PSPC1: variants seen among roughly 807,000 people sequenced by gnomAD.
PSPC1 encodes the protein paraspeckle protein 1.
A neutral mutation model predicts 51.6 loss-of-function variants in PSPC1; 14 were observed. That is an observed-to-expected ratio of 0.27 (90% CI 0.18 to 0.42). The LOEUF (loss-of-function observed/expected upper bound fraction) is 0.42. Among genes scored for constraint, PSPC1 ranks in the 10% least tolerant of loss-of-function variants. The pLI is 1.00. For missense variants in PSPC1, 406 were observed against 701.1 expected, an observed-to-expected ratio of 0.58 and a Z score of 4.75; for synonymous variants, 193 against 231.9, an observed-to-expected ratio of 0.83 and a Z score of 1.53.
chr13:19,719,812 G>T (rs1226061430), intron 6 of PSPC1, among the ~76,000 whole-genome samples: 1 of 149,742 alleles, frequency 6.7e-6, no homozygotes, highest in Non-Finnish European at 1.5e-5. Flanking sequence ...AAGGAAATAA[G>T]TATTTTACAT....
intron 5 of PSPC1, among the ~76,000 whole-genome samples, chr13:19,732,489 C>A (rs1435093013): frequency 2.6e-5 from 4 of 152,058 alleles, no homozygotes; most frequent in Admixed American, 6.6e-5. Flanking sequence ...GGGGCAGCAC[C>A]CCATAATCAA....
chr13:19,729,674 C>T (rs1209277914), intron 6 of PSPC1, among the ~76,000 whole-genome samples: 2 of 150,944 alleles, frequency 1.3e-5, no homozygotes, highest in Non-Finnish European at 2.9e-5. Context: ...CAAATCTGGG[C>T]TTTAATTAGT....
At chr13:19,706,142 G>T (rs556760192) in intron 7 of PSPC1, among the ~76,000 whole-genome samples, 1 of 152,174 alleles carries the variant, frequency 6.6e-6, no homozygotes, top group South Asian at 2.1e-4. Context: ...TTAAACCAAA[G>T]AATCCCTAAC....
At chr13:19,753,137 G>A (rs2138144911) in intron 3 of PSPC1, among the ~76,000 whole-genome samples, 1 of 152,024 alleles carries the variant, frequency 6.6e-6, no homozygotes, top group Middle Eastern at 3.4e-3. Context: ...ACAAAAATCA[G>A]CCAGGCGTGG....
At chr13:19,765,344 A>AATAATAATC (rs1555248074) in intron 2 of PSPC1, among the ~76,000 whole-genome samples, 1 of 141,370 alleles carries the variant, frequency 7.1e-6, no homozygotes, top group African/African-American at 2.7e-5. Flanking sequence ...TAATAATAAT[A>AATAATAATC]ATTATTATTA....
chr13:19,725,724 G>C (rs61950562), intron 6 of PSPC1, among the ~76,000 whole-genome samples: 9 of 152,296 alleles, frequency 5.9e-5, no homozygotes, highest in Non-Finnish European at 1.0e-4. Context: ...AAAATTATTA[G>C]AACTATGCAC....
intron 6 of PSPC1, among the ~76,000 whole-genome samples, chr13:19,684,759 G>A (rs757496245): frequency 6.6e-6 from 1 of 152,162 alleles, no homozygotes; most frequent in Non-Finnish European, 1.5e-5. Flanking sequence ...TCAGTGATGA[G>A]GTCTGATGAC....
intron 6 of PSPC1, among the ~76,000 whole-genome samples, chr13:19,720,721 T>C (rs1170643505): frequency 6.6e-6 from 1 of 152,136 alleles, no homozygotes; most frequent in Non-Finnish European, 1.5e-5. Flanking sequence ...ATAAATCAAA[T>C]GAAGAAGTTA....
chr13:19,700,459 A>G (rs550372041), downstream of PSPC1, among the ~76,000 whole-genome samples: 26 of 151,962 alleles, frequency 1.7e-4, no homozygotes, highest in Non-Finnish European at 3.5e-4. Flanking sequence ...ACAGAAAAAT[A>G]AAAAAAACCT....
intron 6 of PSPC1, among the ~76,000 whole-genome samples, chr13:19,712,088 G>A (rs1010838972): frequency 3.3e-5 from 5 of 152,102 alleles, no homozygotes; most frequent in African/African-American, 1.2e-4. Context: ...ATCTAGATAA[G>A]TATCTGTAAC....
At chr13:19,696,557 T>A (rs1879285613) in intron 6 of PSPC1, among the ~76,000 whole-genome samples, 1 of 151,838 alleles carries the variant, frequency 6.6e-6, no homozygotes, top group South Asian at 2.1e-4. Context: ...AAAGAAAATA[T>A]TTTAATATAT....
chr13:19,735,018 G>A (rs543162129), intron 5 of PSPC1, among the ~76,000 whole-genome samples: 1 of 150,732 alleles, frequency 6.6e-6, no homozygotes, highest in Non-Finnish European at 1.5e-5. Flanking sequence ...AACAAAGAAA[G>A]GAAGGAAGTG....
At chr13:19,736,484 C>A (rs758486932) in intron 5 of PSPC1, among the ~76,000 whole-genome samples, 1 of 151,936 alleles carries the variant, frequency 6.6e-6, no homozygotes, top group Non-Finnish European at 1.5e-5. Flanking sequence ...CAGATCGAGA[C>A]CATCCTGGCT....
At chr13:19,721,627 T>C (rs886479728) in intron 6 of PSPC1, among the ~76,000 whole-genome samples, 1 of 152,210 alleles carries the variant, frequency 6.6e-6, no homozygotes, top group Non-Finnish European at 1.5e-5. Context: ...CTGTTTCTTT[T>C]AACATTACTC....
At chr13:19,702,064 A>G (rs576781657), downstream of PSPC1, among the ~76,000 whole-genome samples, 27 of 151,910 alleles carry the variant, frequency 1.8e-4, no homozygotes, top group African/African-American at 6.3e-4. Flanking sequence ...TCAAGTAATT[A>G]TCTGCTTTTT....
intron 7 of PSPC1, among the ~76,000 whole-genome samples, chr13:19,677,320 G>C (rs1876775344): frequency 6.6e-6 from 1 of 151,744 alleles, no homozygotes; most frequent in South Asian, 2.1e-4. Flanking sequence ...AAATCAACAG[G>C]AAATTTTTTT....
intron 4 of PSPC1, among the ~76,000 whole-genome samples, chr13:19,743,607 C>G (rs1233001598): frequency 6.6e-6 from 1 of 152,154 alleles, no homozygotes. Context: ...CCTAGTTGAT[C>G]AGACTCAATT....
chr13:19,672,797 G>C (rs1876210686), downstream of PSPC1: 1 of 253,144 alleles, frequency 4.0e-6, no homozygotes, highest in Non-Finnish European at 7.9e-6. Flanking sequence ...ACCTAAAAGA[G>C]AGTATTAAAT....
chr13:19,673,487 G>A (rs1876275802), downstream of PSPC1: 1 of 185,562 alleles, frequency 5.4e-6, no homozygotes, highest in South Asian at 1.1e-4. Context: ...TTAAAAGACA[G>A]TAGATATTTG....
Sources: allele counts gnomAD v4.1 joint callset (sites outside exome capture counted in the v4.1 genomes callset), GRCh38; gene constraint gnomAD v4.1.1; transcripts MANE v1.5; gene names NCBI Gene and HGNC (gene_info 2026-07-23, HGNC 2026-07-21).